DNAJC5: variants seen among roughly 807,000 people sequenced by gnomAD.
DNAJC5 encodes the protein dnaJ homolog subfamily C member 5.
In DNAJC5, 1 loss-of-function variant was observed where a neutral mutation model predicts 23.2. The observed-to-expected ratio is 0.04, with a 90% CI of 0.02 to 0.20. The LOEUF (loss-of-function observed/expected upper bound fraction) is 0.20. Among genes scored for constraint, DNAJC5 ranks in the 10% least tolerant of loss-of-function variants. The pLI, the probability that DNAJC5 is intolerant of heterozygous loss-of-function variation, is 1.00. For synonymous variants in DNAJC5, 136 were observed against 120.0 expected (o/e 1.13, Z -0.87); for missense variants, 180 against 267.0 (o/e 0.67, Z 2.27).
chr20:63,919,752 G>A (rs1162728480), intron 1 of DNAJC5: 1 of 425,228 alleles, frequency 2.4e-6, no homozygotes. Flanking sequence ...GACGCACCCG[G>A]CTGTGTGCAC....
At chr20:63,899,675 G>T (rs1292140446) in intron 1 of DNAJC5, among the ~76,000 whole-genome samples, 1 of 151,738 alleles carries the variant, frequency 6.6e-6, no homozygotes, top group African/African-American at 2.4e-5. Flanking sequence ...TCTGCCTCCT[G>T]GGTTCAAGTG....
chr20:63,918,630 C>T (rs980560860), intron 1 of DNAJC5, among the ~76,000 whole-genome samples: 15 of 152,348 alleles, frequency 9.8e-5, no homozygotes, highest in African/African-American at 3.4e-4. Context: ...GAGTCTCGCT[C>T]TGTCACCCAT....
At chr20:63,907,263 G>A (rs1451756324) in intron 1 of DNAJC5, among the ~76,000 whole-genome samples, 3 of 152,178 alleles carry the variant, frequency 2.0e-5, no homozygotes, top group Non-Finnish European at 2.9e-5. Flanking sequence ...GGCTGACTTT[G>A]ATTTCAGTTA....
At chr20:63,930,759 C>T in intron 3 of DNAJC5, 92 bp from the exon 4 acceptor site, 1 of 1,595,842 alleles carries the variant, frequency 6.3e-7, no homozygotes, top group Non-Finnish European at 8.5e-7. Context: ...TGGAACGCAC[C>T]CCCTGCCTTC....
chr20:63,906,261 T>C (rs1457779205), intron 1 of DNAJC5, among the ~76,000 whole-genome samples: 3 of 150,598 alleles, frequency 2.0e-5, no homozygotes, highest in Non-Finnish European at 3.0e-5. Context: ...CCAAGACGGG[T>C]GGATCACTTG....
In DNAJC5 at chr20:63,929,606, ACCCGAGTCACTCCTGCCG is replaced by A. The variant is rs2053646371; in HGVS notation, c.321+82_321+99del. 7.3e-7 allele frequency: 1 copy of A among 1,360,670 alleles called. No homozygotes were observed. The allele number at this position is 1,360,670 out of a possible 1,614,324, so 84.3% of individuals were successfully genotyped here. On this transcript the variant is annotated intron_variant, in intron 3 of 4. Transcript: ENST00000360864. This position sits in a 1 kb window ranked among gnomAD's most constrained non-coding sequence, Gnocchi z 8.6. ...CCCGAGTCTCTCCTGCCGTGCGGGC[ACCCGAGTCACTCCTGCCG>A]TGCGGGCACCCGAGTCTCTCCTGCC...
intron 1 of DNAJC5, among the ~76,000 whole-genome samples, chr20:63,903,997 T>C (rs2053431395): frequency 6.6e-6 from 1 of 152,038 alleles, no homozygotes; most frequent in Admixed American, 6.6e-5. Context: ...GAGGTCAGGC[T>C]GAGGTGGGAG....
rs962217281 is a variant in DNAJC5, at chr20:63,899,067, G to A, written c.-12+3744G>A. Among the ~76,000 whole-genome samples, 9 of 152,272 alleles carry A rather than the reference G, an allele frequency of 5.9e-5. No homozygotes were observed. The South Asian group carries it at 1.7e-3, about 28-fold the overall frequency. ...GATCAGGGCTCACGTGACTGGGGCC[G>A]CTGTGACTCTGAGCCTCTGCGTTCT... On this transcript the variant is annotated intron_variant, in intron 1 of 4. Coordinates refer to ENST00000360864, the MANE Select transcript of DNAJC5 (RefSeq NM_025219.3).
At chr20:63,927,429 CTGTG>C (rs2053625459) in intron 1 of DNAJC5, among the ~76,000 whole-genome samples, 1 of 152,158 alleles carries the variant, frequency 6.6e-6, no homozygotes, top group Non-Finnish European at 1.5e-5. Flanking sequence ...CCAGCTACTC[CTGTG>C]TGAGGCTGAG....
chr20:63,900,641 C>A (rs1445235683), intron 1 of DNAJC5, among the ~76,000 whole-genome samples: 1 of 149,660 alleles, frequency 6.7e-6, no homozygotes, highest in Non-Finnish European at 1.5e-5. Flanking sequence ...TCAGGACAGA[C>A]CTGCATATGC....
intron 1 of DNAJC5, among the ~76,000 whole-genome samples, chr20:63,916,962 G>T (rs974848735): frequency 6.6e-6 from 1 of 152,154 alleles, no homozygotes; most frequent in Non-Finnish European, 1.5e-5. Context: ...CGATTATTCT[G>T]TTCTTTTTCA....
Position 63,914,024 on chromosome 20 carries a change from CT to C in DNAJC5, c.-11-14309del, listed in dbSNP as rs1197618300. ...TTGAGGCCACCTGCCCAGCCACCAT[CT>C]TGGGGGGACCACAGGAGGCTGGGGA... On this transcript the variant is annotated intron_variant, in intron 1 of 4. Coordinates refer to ENST00000360864, the MANE Select transcript of DNAJC5 (RefSeq NM_025219.3). 2.6e-4 allele frequency among the ~76,000 whole-genome samples: 40 copies of C among 152,316 alleles called. 1 individual carries two copies. The highest frequency in any genetic ancestry group is 3.8e-4 in the Non-Finnish European group (26 of 68,024).
At chr20:63,915,481 G>C (rs1413157664) in intron 1 of DNAJC5, among the ~76,000 whole-genome samples, 1 of 149,490 alleles carries the variant, frequency 6.7e-6, no homozygotes, top group Admixed American at 6.6e-5. Flanking sequence ...AGTAAAAAAA[G>C]AACTGTGAAC....
chr20:63,899,014 C>T (rs996188674), intron 1 of DNAJC5, among the ~76,000 whole-genome samples: 2 of 152,176 alleles, frequency 1.3e-5, no homozygotes, highest in Non-Finnish European at 2.9e-5. Context: ...AGAATCTGTG[C>T]TAGGCCTTCC....
chr20:63,909,432 G>A (rs1251797440), intron 1 of DNAJC5, among the ~76,000 whole-genome samples: 1 of 152,224 alleles, frequency 6.6e-6, no homozygotes, highest in Non-Finnish European at 1.5e-5. Context: ...GAACCAGGGA[G>A]GCGGAGCTTG....
chr20:63,899,828 A>C lies in DNAJC5; in HGVS notation c.-12+4505A>C, dbSNP rs549617927. Among the ~76,000 whole-genome samples the C allele has an allele frequency of 8.9e-5, 13 of 146,108 alleles. 1 individual carries two copies. The highest frequency in any genetic ancestry group is 1.3e-4 in the African/African-American group (5 of 38,968). ...GATCTCCTGACCTTGTGATCCGCCC[A>C]TCTTGGCCTCCCAAAGTGCTGGGAT... On this transcript the variant is annotated intron_variant, in intron 1 of 4. Transcript: ENST00000360864.
chr20:63,928,191 CGTCT>C lies in DNAJC5; in HGVS notation c.-11-137_-11-134del. 1 of 685,406 alleles carries C rather than the reference CGTCT, an allele frequency of 1.5e-6. No homozygotes were observed. Among genetic ancestry groups the C allele is most frequent in the East Asian group, 2.8e-5 (1 of 36,342 alleles). 42.5% of individuals were successfully genotyped at this position (685,406 alleles called of 1,614,324 possible). A position where few individuals can be genotyped will look rare whatever the true frequency, so the allele number is the denominator to read the frequency against. On this transcript the variant is annotated intron_variant, in intron 1 of 4. Coordinates refer to ENST00000360864, the MANE Select transcript of DNAJC5 (RefSeq NM_025219.3). The surrounding 1 kb of genome is among the most constrained non-coding windows in gnomAD (Gnocchi z 4.6). ...CGTCTCACACTTCTCCATGCCATGG[CGTCT>C]GTCTGTGCACGTGGCAAACTCCACA...
chr20:63,905,165 G>T (rs1345023284), intron 1 of DNAJC5, among the ~76,000 whole-genome samples: 2 of 149,848 alleles, frequency 1.3e-5, no homozygotes, highest in Non-Finnish European at 3.0e-5. Context: ...GCCCAGGCTG[G>T]AGTGCCATGG....
intron 1 of DNAJC5, among the ~76,000 whole-genome samples, chr20:63,918,160 G>GGAGAT (rs1276435958): frequency 6.6e-6 from 1 of 152,224 alleles, no homozygotes; most frequent in African/African-American, 2.4e-5. Flanking sequence ...TGACCACACT[G>GGAGAT]GAGATGAATG....
Sources: allele counts gnomAD v4.1 joint callset (sites outside exome capture counted in the v4.1 genomes callset), GRCh38; gene constraint gnomAD v4.1.1; non-coding constraint Gnocchi (gnomAD v3.1); transcripts MANE v1.5; gene names NCBI Gene and HGNC (gene_info 2026-07-23, HGNC 2026-07-21).